GPHN: variants seen among roughly 807,000 people sequenced by gnomAD.
The protein encoded by GPHN is gephyrin.
A neutral mutation model predicts 95.5 loss-of-function variants in GPHN; 17 were observed. That is an observed-to-expected ratio of 0.18 (90% CI 0.12 to 0.27). The LOEUF (loss-of-function observed/expected upper bound fraction) is 0.27. Ranked by LOEUF, GPHN falls within the 10% of genes least tolerant of loss-of-function variation. The pLI is 1.00. For synonymous variants in GPHN, 320 were observed against 322.5 expected (o/e 0.99, Z 0.08); for missense variants, 660 against 978.1 (o/e 0.67, Z 4.34).
At position 66,776,534 on chromosome 14, in the gene GPHN, A is replaced by G. The variant is rs771524312; in HGVS notation, c.201+13A>G. Reference sequence around the variant, plus strand: ...AGAAGAAATCAAGGTATAGTATGGCATTTTTCACCTCTACAAACATTTAGC... The same window carrying G: ...AGAAGAAATCAAGGTATAGTATGGCGTTTTTCACCTCTACAAACATTTAGC... On this transcript the variant is annotated intron_variant, in intron 3 of 22. Coordinates refer to ENST00000478722, the MANE Select transcript of GPHN (RefSeq NM_020806.5). 6.8e-7 allele frequency: 1 copy of G among 1,474,940 alleles called. No homozygotes were observed. Among genetic ancestry groups the G allele is most frequent in the South Asian group, 1.1e-5 (1 of 88,266 alleles). 91.4% of individuals were successfully genotyped at this position (1,474,940 alleles called of 1,614,324 possible). A position where few individuals can be genotyped will look rare whatever the true frequency, so the allele number is the denominator to read the frequency against.
the GPHN span, chr14:67,684,383 G>A: frequency 6.6e-6 from 1 of 152,190 alleles, no homozygotes; most frequent in African/African-American, 2.4e-5. Context: ...GAAAGGGGTA[G>A]AGAATGGGGA....
chr14:67,703,236 T>C, the GPHN span, among the ~76,000 whole-genome samples: 1 of 152,202 alleles, frequency 6.6e-6, no homozygotes, highest in Non-Finnish European at 1.5e-5. Flanking sequence ...TTAGTTCACA[T>C]GGCTAAATTT....
the GPHN span, chr14:67,726,286 T>C: frequency 1.4e-6 from 1 of 719,974 alleles, no homozygotes; most frequent in Non-Finnish European, 2.6e-6. Context: ...ACTAGACCCA[T>C]TGGCTTGTTG....
intron 1 of GPHN, among the ~76,000 whole-genome samples, chr14:66,607,553 T>G (rs1398509726): frequency 1.3e-5 from 2 of 152,038 alleles, no homozygotes; most frequent in African/African-American, 4.8e-5. Flanking sequence ...CCTCAATTTT[T>G]TTGAATATTT....
chr14:67,005,703 T>C (rs1801794581), intron 9 of GPHN, among the ~76,000 whole-genome samples: 1 of 151,988 alleles, frequency 6.6e-6, no homozygotes, highest in South Asian at 2.1e-4. Flanking sequence ...TGAAATCACC[T>C]ACACCCTTTG....
chr14:67,617,517 T>C, the GPHN span: 2 of 152,220 alleles, frequency 1.3e-5, no homozygotes, highest in South Asian at 4.1e-4. Flanking sequence ...ATTTTAGATT[T>C]TTGGATTAAG....
Position 66,678,654 on chromosome 14 carries a change from C to T in GPHN, c.65-2453C>T, listed in dbSNP as rs955146939. On this transcript the variant is annotated intron_variant, in intron 1 of 22. Coordinates refer to ENST00000478722, the MANE Select transcript of GPHN (RefSeq NM_020806.5). Reference sequence around the variant, plus strand: ...GTGTCATATTTCCTTTTTCATGTGTCTTGCATCCCTACATTGATAACTGTG... The same window carrying T: ...GTGTCATATTTCCTTTTTCATGTGTTTTGCATCCCTACATTGATAACTGTG... Among the ~76,000 whole-genome samples, 3 of 151,810 alleles carry T rather than the reference C, an allele frequency of 2.0e-5. No individual in the cohort carries two copies. In the South Asian group the frequency reaches 6.2e-4, roughly 32 times the overall value.
the GPHN span, among the ~76,000 whole-genome samples, chr14:67,399,972 G>A: frequency 6.6e-6 from 1 of 152,176 alleles, no homozygotes; most frequent in East Asian, 1.9e-4. Flanking sequence ...TGCTTTACCT[G>A]AATCAAAGTC....
intron 9 of GPHN, among the ~76,000 whole-genome samples, chr14:66,995,895 TC>T (rs2071753166): frequency 6.6e-6 from 1 of 152,192 alleles, no homozygotes; most frequent in Non-Finnish European, 1.5e-5. Flanking sequence ...CGTTCTGCTT[TC>T]TTTCTTAAAT....
At chr14:66,545,647 C>T (rs866619164) in intron 1 of GPHN, among the ~76,000 whole-genome samples, 5 of 133,684 alleles carry the variant, frequency 3.7e-5, no homozygotes, top group African/African-American at 1.5e-4. Context: ...GGTGGCTGGC[C>T]GGGCAGAGGG....
rs1260466567 is a variant in GPHN, at chr14:66,755,881, T to C, written c.144-20583T>C. On this transcript the variant is annotated intron_variant, in intron 2 of 22. Coordinates refer to ENST00000478722, the MANE Select transcript of GPHN (RefSeq NM_020806.5). ...TTCTAGCATGGTACCAAATAAATAT[T>C]TGGGCTGGTGAATGAGCAAGAGAAG... Among the ~76,000 whole-genome samples, 3 of 152,250 alleles carry C rather than the reference T, an allele frequency of 2.0e-5. No homozygotes were observed. In the East Asian group the frequency reaches 5.8e-4, roughly 29 times the overall value.
At chr14:67,494,798 C>T in the GPHN span, among the ~76,000 whole-genome samples, 1 of 152,146 alleles carries the variant, frequency 6.6e-6, no homozygotes, top group Non-Finnish European at 1.5e-5. Context: ...ACCAAGGCTA[C>T]AGAAGAAGCA....
intron 1 of GPHN, among the ~76,000 whole-genome samples, chr14:66,580,398 G>T (rs1302467695): frequency 1.3e-5 from 2 of 151,576 alleles, no homozygotes; most frequent in African/African-American, 4.8e-5. Flanking sequence ...AGCAATAGAA[G>T]AGATCAACAA....
intron 2 of GPHN, among the ~76,000 whole-genome samples, chr14:66,738,498 C>CTGCATTGTTGATT (rs1321020863): frequency 9.2e-5 from 14 of 152,166 alleles, no homozygotes; most frequent in African/African-American, 3.1e-4. Flanking sequence ...ACTTTAAAAC[C>CTGCATTGTTGATT]TTTGCATTGT....
intron 10 of GPHN, among the ~76,000 whole-genome samples, chr14:67,030,822 ACTCT>A (rs1454415445): frequency 6.6e-6 from 1 of 152,054 alleles, no homozygotes; most frequent in African/African-American, 2.4e-5. Flanking sequence ...TATCACCATG[ACTCT>A]CTCTCAATAA....
intron 8 of GPHN, among the ~76,000 whole-genome samples, chr14:66,951,796 G>A (rs1020526160): frequency 1.3e-5 from 2 of 152,130 alleles, no homozygotes; most frequent in African/African-American, 4.8e-5. Flanking sequence ...ATAATTTATA[G>A]TGCAGAATTA....
chr14:67,144,902 GT>G (rs2080811423), intron 18 of GPHN, among the ~76,000 whole-genome samples: 2 of 152,200 alleles, frequency 1.3e-5, no homozygotes, highest in South Asian at 4.1e-4. Context: ...GAGTGAAAGT[GT>G]TGTAGTGTGT....
chr14:66,944,035 G>A (rs920278527), intron 8 of GPHN, among the ~76,000 whole-genome samples: 1 of 151,698 alleles, frequency 6.6e-6, no homozygotes, highest in African/African-American at 2.4e-5. Context: ...AGTCAACTGA[G>A]AAAAAAACCC....
At chr14:67,718,300 GAGA>G in the GPHN span, among the ~76,000 whole-genome samples, 1 of 152,202 alleles carries the variant, frequency 6.6e-6, no homozygotes. Flanking sequence ...TAGGGAAGAG[GAGA>G]AGGAGGAAGG....
Sources: gnomAD v4.1 joint callset for allele counts (sites outside exome capture counted in the v4.1 genomes callset) on GRCh38, gnomAD v4.1.1 for gene constraint, MANE v1.5 for transcripts, NCBI Gene and HGNC (gene_info 2026-07-23, HGNC 2026-07-21) for gene names.